WNT7B: variants seen among roughly 807,000 people sequenced by gnomAD.
WNT7B encodes the protein protein Wnt-7b.
A neutral mutation model predicts 38.2 loss-of-function variants in WNT7B; 19 were observed. That is an observed-to-expected ratio of 0.50 (90% CI 0.35 to 0.73). The LOEUF (loss-of-function observed/expected upper bound fraction) is 0.73, where lower values mean the gene tolerates loss of function less well. Ranked by LOEUF, WNT7B falls within the 30% of genes least tolerant of loss-of-function variation. The pLI, the probability that WNT7B is intolerant of heterozygous loss-of-function variation, is 0.01. For missense variants in WNT7B, 423 were observed against 507.9 expected (o/e 0.83, Z 1.61); for synonymous variants, 243 against 209.3 (o/e 1.16, Z -1.39).
chr22:45,942,868 T>C (rs10453436), intron 2 of WNT7B, among the ~76,000 whole-genome samples: 1 of 151,834 alleles, frequency 6.6e-6, no homozygotes, highest in Non-Finnish European at 1.5e-5. Context: ...TGTGTGTGTG[T>C]GTGCGTGTGT....
intron 1 of WNT7B, among the ~76,000 whole-genome samples, chr22:45,959,389 G>A (rs1932143923): frequency 1.3e-5 from 2 of 152,186 alleles, no homozygotes; most frequent in Non-Finnish European, 2.9e-5. Flanking sequence ...AAAACTGGGG[G>A]ATGGGGTGGT....
At chr22:45,963,842 G>A (rs755867862) in intron 1 of WNT7B, among the ~76,000 whole-genome samples, 2 of 152,166 alleles carry the variant, frequency 1.3e-5, no homozygotes, top group Non-Finnish European at 2.9e-5. Flanking sequence ...CAAAGCAGGG[G>A]ACTCCCGCAA....
At chr22:45,943,059 T>C (rs1210562795) in intron 2 of WNT7B, among the ~76,000 whole-genome samples, 1 of 151,936 alleles carries the variant, frequency 6.6e-6, no homozygotes. Context: ...TGCATGTGTG[T>C]GCAGTGTGCA....
chr22:45,974,022 C>T (rs1481766117), intron 1 of WNT7B, among the ~76,000 whole-genome samples: 1 of 152,128 alleles, frequency 6.6e-6, no homozygotes, highest in Non-Finnish European at 1.5e-5. Flanking sequence ...GATGCAGATG[C>T]CCTGGAATAC....
intron 3 of WNT7B, among the ~76,000 whole-genome samples, chr22:45,930,166 C>A (rs1391917748): frequency 6.6e-6 from 1 of 152,260 alleles, no homozygotes; most frequent in Non-Finnish European, 1.5e-5. Context: ...GTGACCCCTG[C>A]ACCCCTCATG....
intron 2 of WNT7B, among the ~76,000 whole-genome samples, chr22:45,943,052 ATG>A (rs1032698619): frequency 1.8e-4 from 25 of 141,978 alleles, no homozygotes; most frequent in African/African-American, 5.1e-4. Flanking sequence ...TGCAGCATGC[ATG>A]TGTGTGCAGT....
At chr22:45,974,641 G>A (rs1193644938) in intron 1 of WNT7B, among the ~76,000 whole-genome samples, 1 of 152,116 alleles carries the variant, frequency 6.6e-6, no homozygotes, top group African/African-American at 2.4e-5. Flanking sequence ...CCCCTCCAGG[G>A]GCCCTGGGTG....
intron 1 of WNT7B, among the ~76,000 whole-genome samples, chr22:45,956,020 G>A (rs893626560): frequency 6.6e-6 from 1 of 152,178 alleles, no homozygotes; most frequent in African/African-American, 2.4e-5. Context: ...GGAGGTGGCT[G>A]CGGTGGGGGT....
chr22:45,969,371 A>C (rs2146753125), intron 1 of WNT7B, among the ~76,000 whole-genome samples: 1 of 152,232 alleles, frequency 6.6e-6, no homozygotes, highest in East Asian at 1.9e-4. Flanking sequence ...AGAGCGGAAG[A>C]GACCTGCCTG....
intron 2 of WNT7B, among the ~76,000 whole-genome samples, chr22:45,934,158 G>C (rs1931452491): frequency 6.6e-6 from 1 of 152,250 alleles, no homozygotes; most frequent in Non-Finnish European, 1.5e-5. Flanking sequence ...AGAGTGGCTG[G>C]AGCAAGATTC....
chr22:45,940,324 C>T (rs773631609), intron 2 of WNT7B, among the ~76,000 whole-genome samples: 9 of 152,122 alleles, frequency 5.9e-5, no homozygotes, highest in South Asian at 2.1e-4. Flanking sequence ...GACACCGAGC[C>T]GGGATCTGAC....
At chr22:45,928,921 G>A (rs1005184719) in intron 3 of WNT7B, among the ~76,000 whole-genome samples, 12 of 152,134 alleles carry the variant, frequency 7.9e-5, no homozygotes, top group Non-Finnish European at 1.6e-4. Flanking sequence ...CCCTCTGCCT[G>A]GAGTGCTCTT....
chr22:45,958,168 C>A (rs926725049), intron 1 of WNT7B, among the ~76,000 whole-genome samples: 1 of 152,202 alleles, frequency 6.6e-6, no homozygotes, highest in Non-Finnish European at 1.5e-5. Context: ...AGCAGTGATG[C>A]GGAGGCCAGG....
intron 1 of WNT7B, among the ~76,000 whole-genome samples, chr22:45,953,196 G>A (rs1931976947): frequency 2.1e-5 from 1 of 47,354 alleles, no homozygotes; most frequent in Non-Finnish European, 3.6e-5. Flanking sequence ...CCGTGTCCGT[G>A]CCTGGCTTCC....
rs1930944097 is a variant in WNT7B, at chr22:45,922,077, AAAG to A, written c.*776_*778del. The A allele has an allele frequency of 6.6e-6, 1 of 152,262 alleles. No homozygotes were observed. The highest frequency in any genetic ancestry group is 2.1e-4 in the South Asian group (1 of 4,838). The allele number at this position is 152,262 out of a possible 1,614,324, so 9.4% of individuals were successfully genotyped here. The stretch of plus-strand genomic sequence containing the variant: ...CGCCCAGCCATTGATAGGATTTTCA[AAAG>A]AAGGAAAGACGGCATGGAGGAGCCT... On this transcript the variant is annotated 3_prime_UTR_variant, in exon 4 of 4. Transcript: ENST00000339464.
Position 45,966,396 on chromosome 22 carries a change from G to A in WNT7B, c.71+10288C>T, listed in dbSNP as rs576595595. Among the ~76,000 whole-genome samples, 1 of 152,352 alleles carries A rather than the reference G, an allele frequency of 6.6e-6. No individual in the cohort carries two copies. The highest frequency in any genetic ancestry group is 1.5e-5 in the Non-Finnish European group (1 of 68,030). On this transcript the variant is annotated intron_variant, in intron 1 of 3. Transcript: ENST00000339464. This position sits in a 1 kb window ranked among gnomAD's most constrained non-coding sequence, Gnocchi z 4.2. ...CAGCTGAGACACCACCAGTCCTTGTGCCCGGGCTCCCTCCGGCCTGGCCCA... is the reference window on the plus strand; with the variant it reads ...CAGCTGAGACACCACCAGTCCTTGTACCCGGGCTCCCTCCGGCCTGGCCCA...
intron 2 of WNT7B, among the ~76,000 whole-genome samples, chr22:45,945,097 T>TC (rs939847891): frequency 2.0e-5 from 3 of 152,172 alleles, no homozygotes; most frequent in African/African-American, 7.2e-5. Context: ...AATTTTTTTT[T>TC]TTTGAGACGG....
Position 45,957,261 on chromosome 22 carries a change from CT to C in WNT7B, c.72-7116del, listed in dbSNP as rs1267778453. 7.5e-5 allele frequency among the ~76,000 whole-genome samples: 5 copies of C among 67,032 alleles called. No homozygotes were observed. In the East Asian group the frequency reaches 7.8e-3, roughly 105 times the overall value. The allele number at this position is 67,032 out of a possible 152,430, so 44.0% of individuals were successfully genotyped here. On this transcript the variant is annotated intron_variant, in intron 1 of 3. Coordinates refer to ENST00000339464, the MANE Select transcript of WNT7B (RefSeq NM_058238.3). ...ATGTAAAAATGCATCAAGGTGTCCACTTGAGATTTCTGTGCTTTACATAAGT... is the reference window on the plus strand; with the variant it reads ...ATGTAAAAATGCATCAAGGTGTCCACTGAGATTTCTGTGCTTTACATAAGT...
Position 45,934,448 on chromosome 22 carries a change from T to C in WNT7B, c.299-3079A>G, listed in dbSNP as rs891084780. Among the ~76,000 whole-genome samples the C allele has an allele frequency of 9.9e-5, 15 of 152,080 alleles. No individual in the cohort carries two copies. In the East Asian group the frequency reaches 2.7e-3, roughly 27 times the overall value. ...TCTGGAGTGGGCATGTGTCACCCGA[T>C]GGAGGGGGTCTAGGAACCCCAAATG... On this transcript the variant is annotated intron_variant, in intron 2 of 3. Transcript: ENST00000339464.
Sources: gnomAD v4.1 joint callset for allele counts (sites outside exome capture counted in the v4.1 genomes callset) on GRCh38, gnomAD v4.1.1 for gene constraint, Gnocchi (gnomAD v3.1) non-coding constraint, MANE v1.5 for transcripts, NCBI Gene and HGNC (gene_info 2026-07-23, HGNC 2026-07-21) for gene names.